The following SNTG2 variants were observed in gnomAD, a reference collection of about 807,000 sequenced individuals.
SNTG2 encodes the protein syntrophin gamma 2.
Under a neutral mutation model 70.9 loss-of-function variants are expected in SNTG2, and 74 were observed. The ratio of observed to expected loss-of-function variants is 1.04; its 90% confidence interval spans 0.86 to 1.27. The LOEUF is 1.27. Ranked by LOEUF, SNTG2 falls within the 50% of genes most tolerant of loss-of-function variation. The pLI is 0.00. For synonymous variants in SNTG2, 278 were observed against 273.8 expected, an observed-to-expected ratio of 1.02 and a Z score of -0.15; for missense variants, 717 against 690.7, an observed-to-expected ratio of 1.04 and a Z score of -0.43.
intron 9 of SNTG2, among the ~76,000 whole-genome samples, chr2:1,209,515 A>G (rs962281572): frequency 6.6e-6 from 1 of 152,212 alleles, no homozygotes; most frequent in South Asian, 2.1e-4. Flanking sequence ...TTCTATTTTT[A>G]GTTTTAAATG....
chr2:1,075,415 A>C (rs1663853339), intron 1 of SNTG2, among the ~76,000 whole-genome samples: 1 of 152,200 alleles, frequency 6.6e-6, no homozygotes, highest in Non-Finnish European at 1.5e-5. Flanking sequence ...CTTAACTTTG[A>C]TGGGCAGAAT....
At chr2:1,158,234 T>C (rs1418880819) in intron 6 of SNTG2, 2 of 152,264 alleles carry the variant, frequency 1.3e-5, no homozygotes, top group African/African-American at 4.8e-5. Flanking sequence ...ATTCATAAAT[T>C]AAACCTTCCC....
chr2:953,397 C>T (rs1280267259), intron 1 of SNTG2, among the ~76,000 whole-genome samples: 3 of 152,206 alleles, frequency 2.0e-5, no homozygotes, highest in Admixed American at 6.5e-5. Context: ...TGGCATGAGC[C>T]GGGAACATGC....
intron 1 of SNTG2, among the ~76,000 whole-genome samples, chr2:1,036,203 T>C (rs1661119140): frequency 6.6e-6 from 1 of 152,182 alleles, no homozygotes; most frequent in African/African-American, 2.4e-5. Flanking sequence ...TATATTTTCT[T>C]GGAGAGAAAG....
chr2:1,170,549 G>A (rs1019215503), intron 7 of SNTG2, among the ~76,000 whole-genome samples: 10 of 152,234 alleles, frequency 6.6e-5, no homozygotes, highest in South Asian at 2.1e-4. Context: ...CGTCTGCGCC[G>A]GACGTTTTCT....
chr2:1,103,935 CAAATG>C (rs1400006036), intron 4 of SNTG2, among the ~76,000 whole-genome samples: 1 of 152,126 alleles, frequency 6.6e-6, no homozygotes, highest in African/African-American at 2.4e-5. Flanking sequence ...AGCAAAGATA[CAAATG>C]AAATTATTAT....
intron 16 of SNTG2, among the ~76,000 whole-genome samples, chr2:1,337,940 C>G (rs1364141788): frequency 1.3e-5 from 2 of 152,206 alleles, no homozygotes; most frequent in Non-Finnish European, 2.9e-5. Flanking sequence ...ATTTTCCCAG[C>G]ACCAGTTGAT....
intron 11 of SNTG2, among the ~76,000 whole-genome samples, chr2:1,243,890 G>A (rs1455306073): frequency 6.6e-6 from 1 of 152,234 alleles, no homozygotes; most frequent in East Asian, 1.9e-4. Context: ...GCCGGGCGTG[G>A]TGGCACGCGC....
intron 10 of SNTG2, among the ~76,000 whole-genome samples, chr2:1,238,782 C>G (rs756896049): frequency 2.0e-5 from 3 of 152,188 alleles, no homozygotes; most frequent in Non-Finnish European, 2.9e-5. Context: ...TGCTCTGTTC[C>G]TTCGCAGCCT....
At chr2:1,056,281 C>CACG (rs1662396441) in intron 1 of SNTG2, among the ~76,000 whole-genome samples, 1 of 32,380 alleles carries the variant, frequency 3.1e-5, no homozygotes. Flanking sequence ...AGGGAGAGGC[C>CACG]GCGCCGTGCT....
chr2:1,281,205 T>TGTGTGTTTGTGTGGTGTGTGTATATGTG (rs1679498006), intron 14 of SNTG2, among the ~76,000 whole-genome samples: 1 of 137,820 alleles, frequency 7.3e-6, no homozygotes, highest in African/African-American at 2.9e-5. Context: ...GTATGTGGTG[T>TGTGTGTTTGTGTGGTGTGTGTATATGTG]GTGGTGTGTG....
chr2:1,262,344 G>C (rs902450678), intron 13 of SNTG2, among the ~76,000 whole-genome samples: 4 of 152,072 alleles, frequency 2.6e-5, no homozygotes, highest in African/African-American at 9.7e-5. Context: ...ACCAAGGCTG[G>C]GCTCCATCCT....
At chr2:1,109,160 G>A (rs987077795) in intron 4 of SNTG2, among the ~76,000 whole-genome samples, 7 of 151,954 alleles carry the variant, frequency 4.6e-5, no homozygotes, top group South Asian at 2.1e-4. Context: ...TCATACTTTC[G>A]GAAAGCAAAA....
intron 15 of SNTG2, among the ~76,000 whole-genome samples, chr2:1,310,139 C>A (rs1414138129): frequency 6.6e-6 from 1 of 152,196 alleles, no homozygotes; most frequent in African/African-American, 2.4e-5. Context: ...AAAGGAGAAT[C>A]CAAATTCTGC....
intron 14 of SNTG2, among the ~76,000 whole-genome samples, chr2:1,307,154 G>GCT (rs1172372963): frequency 2.7e-5 from 3 of 112,608 alleles, no homozygotes; most frequent in East Asian, 2.7e-4. Context: ...GGAGCCATGT[G>GCT]CTGTGTGTGT....
chr2:1,077,665 A>G (rs1046316342), intron 1 of SNTG2, among the ~76,000 whole-genome samples: 1 of 152,114 alleles, frequency 6.6e-6, no homozygotes, highest in Non-Finnish European at 1.5e-5. Flanking sequence ...CACTAACCCA[A>G]TATGCTTACA....
chr2:1,113,682 C>A (rs1365809741), intron 4 of SNTG2, among the ~76,000 whole-genome samples: 5 of 149,356 alleles, frequency 3.3e-5, no homozygotes, highest in Non-Finnish European at 5.9e-5. Flanking sequence ...TGAGGTTTAA[C>A]CCTTACAGTC....
At chr2:1,141,971 C>T (rs58042449) in intron 6 of SNTG2, among the ~76,000 whole-genome samples, 58,193 of 152,078 alleles carry the variant, frequency 0.38, 11,794 homozygotes, top group Middle Eastern at 0.47. Flanking sequence ...ATTTTTTGTC[C>T]ACCACTCATA....
intron 9 of SNTG2, among the ~76,000 whole-genome samples, chr2:1,222,404 G>A (rs187183962): frequency 6.6e-6 from 1 of 152,390 alleles, no homozygotes; most frequent in Admixed American, 6.5e-5. Context: ...TGTGTGTGGA[G>A]ATTTCATAGG....
Sources: gnomAD v4.1 joint callset for allele counts (sites outside exome capture counted in the v4.1 genomes callset) on GRCh38, gnomAD v4.1.1 for gene constraint, MANE v1.5 for transcripts, NCBI Gene and HGNC (gene_info 2026-07-23, HGNC 2026-07-21) for gene names.